SPMIP2: variants seen among roughly 807,000 people sequenced by gnomAD.
SPMIP2 encodes protein SPMIP2.
the SPMIP2 span, among the ~76,000 whole-genome samples, chr4:159,079,303 G>A: frequency 6.6e-6 from 1 of 151,910 alleles, no homozygotes; most frequent in Non-Finnish European, 1.5e-5. Context: ...GGAATTAGTG[G>A]CCAAAAAAAG....
At chr4:158,921,462 A>T in the SPMIP2 span, among the ~76,000 whole-genome samples, 6 of 151,996 alleles carry the variant, frequency 3.9e-5, no homozygotes, top group Non-Finnish European at 5.9e-5. Context: ...AAAAAAAGGA[A>T]AAAGAAAAAG....
the SPMIP2 span, among the ~76,000 whole-genome samples, chr4:159,076,779 C>T: frequency 6.6e-6 from 1 of 151,842 alleles, no homozygotes; most frequent in Non-Finnish European, 1.5e-5. Flanking sequence ...AGGATTCTCC[C>T]ACCTCAGCCT....
chr4:158,987,548 A>G, the SPMIP2 span, among the ~76,000 whole-genome samples: 1 of 152,060 alleles, frequency 6.6e-6, no homozygotes, highest in East Asian at 1.9e-4. Context: ...CAAACACCGC[A>G]TGTTCTCACT....
chr4:158,945,884 G>A, the SPMIP2 span, among the ~76,000 whole-genome samples: 1 of 151,986 alleles, frequency 6.6e-6, no homozygotes, highest in African/African-American at 2.4e-5. Context: ...AACTTTGCCT[G>A]GACCTAAAAT....
the SPMIP2 span, among the ~76,000 whole-genome samples, chr4:159,061,271 G>C: frequency 2.0e-5 from 3 of 151,886 alleles, no homozygotes; most frequent in Non-Finnish European, 4.4e-5. Context: ...TCAACTGTGA[G>C]AGCTGGCCCC....
chr4:158,976,718 G>A, the SPMIP2 span, among the ~76,000 whole-genome samples: 18 of 139,298 alleles, frequency 1.3e-4, no homozygotes, highest in African/African-American at 4.1e-4. Flanking sequence ...AGGCTGGAGT[G>A]CAGTGGCATC....
At chr4:159,065,102 T>A in the SPMIP2 span, among the ~76,000 whole-genome samples, 23 of 152,238 alleles carry the variant, frequency 1.5e-4, no homozygotes, top group African/African-American at 5.1e-4. Flanking sequence ...ATAAACTTAC[T>A]CACATACATT....
At chr4:159,080,841 A>T in the SPMIP2 span, among the ~76,000 whole-genome samples, 2 of 151,952 alleles carry the variant, frequency 1.3e-5, no homozygotes, top group South Asian at 2.1e-4. Flanking sequence ...CTCCTGCCTC[A>T]GCCTCCTGAG....
At chr4:159,062,646 T>C in the SPMIP2 span, among the ~76,000 whole-genome samples, 190 of 151,952 alleles carry the variant, frequency 1.3e-3, no homozygotes, top group Middle Eastern at 6.8e-3. Flanking sequence ...ACAATGTTGA[T>C]CTGTTTGCCC....
the SPMIP2 span, among the ~76,000 whole-genome samples, chr4:158,911,576 C>CA: frequency 2.7e-5 from 2 of 73,188 alleles, no homozygotes; most frequent in Admixed American, 1.5e-4. Context: ...CTCATCAAGT[C>CA]CCCCGTTCCT....
At chr4:158,975,467 AT>A in the SPMIP2 span, among the ~76,000 whole-genome samples, 5 of 152,212 alleles carry the variant, frequency 3.3e-5, no homozygotes, top group Admixed American at 3.3e-4. Context: ...TCTTGAGTTA[AT>A]TTTTGTAAAA....
At chr4:158,952,464 T>G in the SPMIP2 span, among the ~76,000 whole-genome samples, 2 of 152,300 alleles carry the variant, frequency 1.3e-5, no homozygotes, top group Admixed American at 1.3e-4. Flanking sequence ...TAAGGAGACT[T>G]CCCCAGCCAT....
At chr4:159,049,655 A>G in the SPMIP2 span, among the ~76,000 whole-genome samples, 11 of 152,202 alleles carry the variant, frequency 7.2e-5, no homozygotes, top group Admixed American at 1.3e-4. Flanking sequence ...GTTTGATTTC[A>G]GCTTAGGATT....
chr4:159,082,467 G>GTGTGTATGTGTGTGTGTGTGTGTGTA, the SPMIP2 span, among the ~76,000 whole-genome samples: 4 of 149,282 alleles, frequency 2.7e-5, no homozygotes, highest in African/African-American at 9.8e-5. Context: ...GTGTGTGTGT[G>GTGTGTATGTGTGTGTGTGTGTGTGTA]TGTGTGTGTG....
the SPMIP2 span, among the ~76,000 whole-genome samples, chr4:158,992,787 G>A: frequency 5.4e-3 from 824 of 152,318 alleles, 6 homozygotes; most frequent in African/African-American, 0.019. Context: ...CAAGCAAGCT[G>A]GAGGTGCTGT....
the SPMIP2 span, among the ~76,000 whole-genome samples, chr4:159,053,527 A>G: frequency 6.6e-6 from 1 of 151,888 alleles, no homozygotes; most frequent in Non-Finnish European, 1.5e-5. Flanking sequence ...GTGCCTTCCT[A>G]TTTTAGGTCT....
At chr4:159,001,716 T>A in the SPMIP2 span, among the ~76,000 whole-genome samples, 2 of 152,246 alleles carry the variant, frequency 1.3e-5, no homozygotes, top group Non-Finnish European at 2.9e-5. Context: ...ATGTCGTATA[T>A]GTACCATGTT....
chr4:159,073,798 T>C, the SPMIP2 span, among the ~76,000 whole-genome samples: 1 of 152,070 alleles, frequency 6.6e-6, no homozygotes, highest in Non-Finnish European at 1.5e-5. Context: ...GGTCGGGAGT[T>C]CAAGACCAGC....
chr4:158,991,741 G>A, the SPMIP2 span, among the ~76,000 whole-genome samples: 1 of 152,144 alleles, frequency 6.6e-6, no homozygotes, highest in Non-Finnish European at 1.5e-5. Flanking sequence ...GACAGGTGTT[G>A]AGGTCTCATT....
Sources: gnomAD v4.1 joint callset for allele counts (sites outside exome capture counted in the v4.1 genomes callset) on GRCh38, gnomAD v4.1.1 for gene constraint, MANE v1.5 for transcripts, NCBI Gene and HGNC (gene_info 2026-07-23, HGNC 2026-07-21) for gene names.